The following GRIN2B variants were observed in gnomAD, a reference collection of about 807,000 sequenced individuals.
GRIN2B encodes the protein glutamate receptor ionotropic, NMDA 2B.
In GRIN2B, 5 loss-of-function variants were observed where a neutral mutation model predicts 114.5. That is an observed-to-expected ratio of 0.04 (90% confidence interval 0.02 to 0.09). The LOEUF is 0.09. GRIN2B is among the 10% of genes least tolerant of loss of function. The pLI is 1.00. For missense variants in GRIN2B, 1,108 were observed against 1,943.5 expected (o/e 0.57, Z 8.08); for synonymous variants, 787 against 745.1 (o/e 1.06, Z -0.92).
At chr12:13,799,390 T>G (rs1864467918) in intron 3 of GRIN2B, among the ~76,000 whole-genome samples, 1 of 152,188 alleles carries the variant, frequency 6.6e-6, no homozygotes, top group African/African-American at 2.4e-5. Context: ...TATTCCACTG[T>G]GCTCACATTT....
chr12:13,682,594 G>C (rs1278563026), intron 4 of GRIN2B, among the ~76,000 whole-genome samples: 1 of 152,110 alleles, frequency 6.6e-6, no homozygotes, highest in East Asian at 1.9e-4. Context: ...TAAATTAGTG[G>C]TGTTAAGTTA....
chr12:13,948,244 G>T lies in GRIN2B; in HGVS notation c.-19+31684C>A, dbSNP rs537031466. Among the ~76,000 whole-genome samples the T allele has an allele frequency of 6.9e-3, 1,046 of 152,242 alleles. 10 individuals carry two copies. The highest frequency in any genetic ancestry group is 0.024 in the African/African-American group (1,013 of 41,540). ...CCTAAAGAAAGTCTCTGCCAGGGGG[G>T]ATCCTTGGGGTAAATGCTTTCTTTT... On this transcript the variant is annotated intron_variant, in intron 2 of 13. Coordinates refer to ENST00000609686, the MANE Select transcript of GRIN2B (RefSeq NM_000834.5).
intron 10 of GRIN2B, among the ~76,000 whole-genome samples, chr12:13,583,459 C>T (rs1174745445): frequency 1.3e-5 from 2 of 152,158 alleles, no homozygotes; most frequent in Non-Finnish European, 2.9e-5. Context: ...GATTCAAATG[C>T]AGGATACTCA....
intron 5 of GRIN2B, among the ~76,000 whole-genome samples, chr12:13,668,547 G>C (rs1949997213): frequency 6.6e-6 from 1 of 152,046 alleles, no homozygotes; most frequent in Admixed American, 6.6e-5. Flanking sequence ...ATGGGCCAGG[G>C]CTCTTGGAGC....
At chr12:13,819,650 C>A (rs544914636) in intron 3 of GRIN2B, among the ~76,000 whole-genome samples, 1 of 152,286 alleles carries the variant, frequency 6.6e-6, no homozygotes, top group South Asian at 2.1e-4. Flanking sequence ...TCCCACAAAA[C>A]ACAAAAATAT....
At chr12:13,578,696 T>C (rs555341607) in intron 10 of GRIN2B, among the ~76,000 whole-genome samples, 6 of 152,290 alleles carry the variant, frequency 3.9e-5, no homozygotes, top group Admixed American at 2.6e-4. Flanking sequence ...TGTGTAGCAA[T>C]AGGTGACGGA....
chr12:13,617,204 C>T (rs537696943), intron 5 of GRIN2B, among the ~76,000 whole-genome samples: 10 of 152,310 alleles, frequency 6.6e-5, no homozygotes, highest in African/African-American at 2.4e-4. Flanking sequence ...CTAGGTGGAT[C>T]TAAATTGGAA....
At chr12:13,929,413 A>C (rs1388603890) in intron 2 of GRIN2B, among the ~76,000 whole-genome samples, 2 of 152,216 alleles carry the variant, frequency 1.3e-5, no homozygotes, top group South Asian at 4.1e-4. Flanking sequence ...CCATTTCTGC[A>C]CTAGCCCTGC....
chr12:13,707,906 C>T (rs1950375809), intron 4 of GRIN2B, among the ~76,000 whole-genome samples: 1 of 152,074 alleles, frequency 6.6e-6, no homozygotes, highest in Non-Finnish European at 1.5e-5. Context: ...GTGAGAGAGA[C>T]AGGCACAGGC....
At chr12:13,975,315 T>G (rs1047296804) in intron 2 of GRIN2B, among the ~76,000 whole-genome samples, 26 of 152,338 alleles carry the variant, frequency 1.7e-4, no homozygotes, top group Admixed American at 1.6e-3. Context: ...ATATGCAGTC[T>G]CACAAAATCT....
intron 4 of GRIN2B, among the ~76,000 whole-genome samples, chr12:13,722,226 A>G (rs1017562203): frequency 6.6e-6 from 1 of 152,100 alleles, no homozygotes; most frequent in Non-Finnish European, 1.5e-5. Flanking sequence ...AAACAAGGAA[A>G]TAGGCAAAAG....
At chr12:13,847,868 C>T (rs773472336) in intron 3 of GRIN2B, among the ~76,000 whole-genome samples, 2 of 152,146 alleles carry the variant, frequency 1.3e-5, no homozygotes, top group East Asian at 1.9e-4. Context: ...ATGGTTAAAA[C>T]GGTCCATAAA....
At chr12:13,625,504 T>C (rs1185818782) in intron 5 of GRIN2B, among the ~76,000 whole-genome samples, 1 of 152,222 alleles carries the variant, frequency 6.6e-6, no homozygotes, top group Non-Finnish European at 1.5e-5. Flanking sequence ...CCGGGCTCAT[T>C]AGTTTTCTGC....
intron 4 of GRIN2B, among the ~76,000 whole-genome samples, chr12:13,690,369 TCTCTCA>T (rs915155241): frequency 1.5e-4 from 9 of 59,018 alleles, no homozygotes; most frequent in East Asian, 1.2e-3. Context: ...TCTCTCTCTC[TCTCTCA>T]CACACACACA....
chr12:13,839,402 G>A (rs1865341501), intron 3 of GRIN2B, among the ~76,000 whole-genome samples: 1 of 152,214 alleles, frequency 6.6e-6, no homozygotes, highest in Non-Finnish European at 1.5e-5. Context: ...AAATTTGAAA[G>A]TGGTTCAATC....
intron 4 of GRIN2B, among the ~76,000 whole-genome samples, chr12:13,694,656 C>CAAAGATATATAT (rs1555122534): frequency 2.8e-5 from 2 of 71,404 alleles, no homozygotes; most frequent in Non-Finnish European, 5.0e-5. Flanking sequence ...AAGAAAATGT[C>CAAAGATATATAT]ATATATATAT....
chr12:13,541,377 G>A lies in GRIN2B; in HGVS notation c.*21406C>T, dbSNP rs1185915499. 6.6e-6 allele frequency: 1 copy of A among 152,196 alleles called. No homozygotes were observed. The highest frequency in any genetic ancestry group is 2.4e-5 in the African/African-American group (1 of 41,456). 9.4% of individuals were successfully genotyped at this position (152,196 alleles called of 1,614,324 possible). On this transcript the variant is annotated 3_prime_UTR_variant, in exon 14 of 14. Coordinates refer to ENST00000609686, the MANE Select transcript of GRIN2B (RefSeq NM_000834.5). ...CAGGTTACCCCATTAACCAGGGGTG[G>A]GAGCCAGTCTGAAGGAGGGGAGATC...
At chr12:13,890,610 G>T (rs1232938269) in intron 2 of GRIN2B, among the ~76,000 whole-genome samples, 1 of 152,136 alleles carries the variant, frequency 6.6e-6, no homozygotes, top group African/African-American at 2.4e-5. Context: ...TTTACTTAGT[G>T]TATATATTTC....
At chr12:13,607,359 A>T (rs1403431294) in intron 10 of GRIN2B, among the ~76,000 whole-genome samples, 3 of 36,072 alleles carry the variant, frequency 8.3e-5, no homozygotes, top group African/African-American at 6.4e-4. Context: ...TAAAATATAT[A>T]ATATATATTA....
Sources: gnomAD v4.1 joint callset for allele counts (sites outside exome capture counted in the v4.1 genomes callset) on GRCh38, gnomAD v4.1.1 for gene constraint, MANE v1.5 for transcripts, NCBI Gene and HGNC (gene_info 2026-07-23, HGNC 2026-07-21) for gene names.